RTL9: variants seen among roughly 807,000 people sequenced by gnomAD.
The protein encoded by RTL9 is retrotransposon Gag like 9.
In RTL9, 19 loss-of-function variants were observed where a neutral mutation model predicts 44.7. The ratio of observed to expected loss-of-function variants is 0.42; its 90% confidence interval spans 0.30 to 0.62. The LOEUF (loss-of-function observed/expected upper bound fraction) is 0.62, where lower values mean the gene tolerates loss of function less well. Ranked by LOEUF, RTL9 falls within the 20% of genes least tolerant of loss-of-function variation. RTL9 has a pLI of 0.16. For missense variants in RTL9, 1,105 were observed against 1,080.6 expected (o/e 1.02, Z -0.32); for synonymous variants, 407 against 398.9 (o/e 1.02, Z -0.24).
At chrX:110,409,546 G>A (rs927915729) in intron 1 of RTL9, among the ~76,000 whole-genome samples, 6 of 111,400 alleles carry the variant, frequency 5.4e-5, no homozygotes, top group Non-Finnish European at 9.4e-5. Context: ...AGTATTGTAC[G>A]TATAATCTGT....
chrX:110,443,846 A>G (rs898903754), intron 1 of RTL9, among the ~76,000 whole-genome samples: 1 of 112,499 alleles, frequency 8.9e-6, no homozygotes, highest in Non-Finnish European at 1.9e-5. Flanking sequence ...CGTGGAGCTT[A>G]AAATGTAAAC....
intron 1 of RTL9, among the ~76,000 whole-genome samples, chrX:110,441,622 C>T (rs2068880583): frequency 1.8e-5 from 2 of 112,062 alleles, no homozygotes; most frequent in Admixed American, 1.9e-4. Context: ...ATATATATCA[C>T]ACCTTAATGA....
chrX:110,451,411 C>A (rs1001676129), exon 1 of RTL9: 4 of 1,211,914 alleles, frequency 3.3e-6, no homozygotes, highest in Non-Finnish European at 3.3e-6. Context: ...GGCACGGACT[C>A]TGAAGCAATA....
intron 1 of RTL9, among the ~76,000 whole-genome samples, chrX:110,375,616 A>G (rs1011702734): frequency 8.9e-5 from 10 of 112,055 alleles, no homozygotes; most frequent in African/African-American, 2.9e-4. Context: ...AGTTATTATA[A>G]ACTTCAAATG....
At chrX:110,453,470 G>A in exon 1 of RTL9, 1 of 1,211,641 alleles carries the variant, frequency 8.3e-7, no homozygotes, top group African/African-American at 1.7e-5. Context: ...GGATGTCCAA[G>A]CCATTAATGA....
At chrX:110,374,456 A>T (rs1416940828) in intron 1 of RTL9, among the ~76,000 whole-genome samples, 1 of 111,844 alleles carries the variant, frequency 8.9e-6, no homozygotes, top group Non-Finnish European at 1.9e-5. Flanking sequence ...CCAGCTATCT[A>T]TTTATTTATA....
intron 1 of RTL9, among the ~76,000 whole-genome samples, chrX:110,363,002 C>G (rs73636957): frequency 0.04 from 4,519 of 111,990 alleles, 216 homozygotes; most frequent in African/African-American, 0.14. Context: ...GAAAAGGAAG[C>G]TAGCATTTCA....
At chrX:110,388,243 C>T (rs1018255708) in intron 1 of RTL9, among the ~76,000 whole-genome samples, 13 of 111,783 alleles carry the variant, frequency 1.2e-4, no homozygotes, top group African/African-American at 4.2e-4. Flanking sequence ...TATGAAAGCC[C>T]ATGACGTGGA....
chrX:110,384,562 A>G (rs1276061658), intron 1 of RTL9, among the ~76,000 whole-genome samples: 1 of 111,476 alleles, frequency 9.0e-6, no homozygotes, highest in Non-Finnish European at 1.9e-5. Flanking sequence ...GAATGAATGA[A>G]CCCAGCCATT....
chrX:110,406,377 A>G (rs943512551), intron 1 of RTL9, among the ~76,000 whole-genome samples: 3 of 109,602 alleles, frequency 2.7e-5, no homozygotes, highest in Non-Finnish European at 5.7e-5. Flanking sequence ...TGATCTTGCG[A>G]TAGTTTGCTG....
upstream of RTL9, among the ~76,000 whole-genome samples, chrX:110,445,693 A>G (rs1047728486): frequency 8.9e-6 from 1 of 112,244 alleles, no homozygotes; most frequent in Non-Finnish European, 1.9e-5. Context: ...ATTTGTTGAC[A>G]TATTGAACCG....
intron 1 of RTL9, among the ~76,000 whole-genome samples, chrX:110,424,154 T>C (rs1039557808): frequency 5.4e-5 from 6 of 111,748 alleles, no homozygotes; most frequent in South Asian, 3.8e-4. Context: ...CACACTCAGT[T>C]AATAAGTTGA....
intron 1 of RTL9, among the ~76,000 whole-genome samples, chrX:110,369,060 C>T (rs960517879): frequency 6.2e-5 from 7 of 112,013 alleles, no homozygotes; most frequent in Non-Finnish European, 9.4e-5. Context: ...TGGCTGTGTG[C>T]GGTGGCTCAC....
At chrX:110,448,983 A>C (rs1011931350), upstream of RTL9, among the ~76,000 whole-genome samples, 2 of 110,401 alleles carry the variant, frequency 1.8e-5, no homozygotes, top group Admixed American at 1.9e-4. Flanking sequence ...CATTGCACCA[A>C]TTATTACAAT....
exon 1 of RTL9, chrX:110,450,576 C>A: frequency 9.0e-7 from 1 of 1,112,741 alleles, no homozygotes; most frequent in Non-Finnish European, 1.2e-6. Context: ...GATTTTCTTG[C>A]CTCCTGGGCT....
chrX:110,403,455 G>GAC (rs919662922), intron 1 of RTL9, among the ~76,000 whole-genome samples: 1 of 111,507 alleles, frequency 9.0e-6, no homozygotes. Context: ...CAGACAGACA[G>GAC]ACACACACAC....
intron 1 of RTL9, among the ~76,000 whole-genome samples, chrX:110,403,907 C>A (rs1485374321): frequency 8.9e-6 from 1 of 111,957 alleles, no homozygotes. Flanking sequence ...ATTCTGAATT[C>A]CTTCAATTAT....
At chrX:110,375,560 G>C (rs73636961) in intron 1 of RTL9, among the ~76,000 whole-genome samples, 5,217 of 103,510 alleles carry the variant, frequency 0.05, 231 homozygotes, top group African/African-American at 0.15. Context: ...ATGAATGAAT[G>C]AATCAATCAA....
intron 1 of RTL9, among the ~76,000 whole-genome samples, chrX:110,442,221 T>TTCTCTCTCTCTCTC (rs781098261): frequency 4.0e-4 from 29 of 72,773 alleles, no homozygotes; most frequent in African/African-American, 1.7e-3. Context: ...ATCGAAGTCT[T>TTCTCTCTCTCTCTC]TCTCTCTCTC....
Sources: gnomAD v4.1 joint callset for allele counts (sites outside exome capture counted in the v4.1 genomes callset) on GRCh38, gnomAD v4.1.1 for gene constraint, MANE v1.5 for transcripts, NCBI Gene and HGNC (gene_info 2026-07-23, HGNC 2026-07-21) for gene names.